The following MARK2 variants were observed in gnomAD, a reference collection of about 807,000 sequenced individuals.
MARK2 encodes the protein microtubule affinity regulating kinase 2.
Under a neutral mutation model 89.8 loss-of-function variants are expected in MARK2, and 16 were observed. The ratio of observed to expected loss-of-function variants is 0.18; its 90% CI spans 0.12 to 0.27. The LOEUF (loss-of-function observed/expected upper bound fraction) is 0.27, where lower values mean the gene tolerates loss of function less well. MARK2 is among the 10% of genes least tolerant of loss of function. The pLI is 1.00. For missense variants in MARK2, 621 were observed against 1,049.9 expected, an observed-to-expected ratio of 0.59 and a Z score of 5.65; for synonymous variants, 382 against 399.5, an observed-to-expected ratio of 0.96 and a Z score of 0.52.
rs1204924159 is a variant in MARK2, at chr11:63,909,398, TG to T, written c.*167del. 16 of 704,944 alleles carry T rather than the reference TG, an allele frequency of 2.3e-5. No homozygotes were observed. Among genetic ancestry groups the T allele is most frequent in the Non-Finnish European group, 3.5e-5 (16 of 456,948 alleles). 43.7% of individuals were successfully genotyped at this position (704,944 alleles called of 1,614,324 possible). ...TTCTCAGTTTTCTCTTACATGTTTG[TG>T]GGGGGTGGGAGATTGTTCTCCAGCA... On this transcript the variant is annotated 3_prime_UTR_variant, in exon 19 of 19. Transcript: ENST00000402010.
intron 1 of MARK2, among the ~76,000 whole-genome samples, chr11:63,845,168 A>G (rs111557017): frequency 0.024 from 3,582 of 152,236 alleles, 155 homozygotes; most frequent in African/African-American, 0.082. Flanking sequence ...AGGCTTTCCT[A>G]CAGTAACCAG....
Position 63,903,258 on chromosome 11 carries a change from C to T in MARK2, c.1514+100C>T. 1.1e-6 allele frequency: 1 copy of T among 883,942 alleles called. No homozygotes were observed. The highest frequency in any genetic ancestry group is 1.4e-5 in the South Asian group (1 of 71,850). The allele number at this position is 883,942 out of a possible 1,614,324, so 54.8% of individuals were successfully genotyped here. On this transcript the variant is annotated intron_variant, in intron 14 of 18. Coordinates refer to ENST00000402010, the MANE Select transcript of MARK2 (RefSeq NM_001039469.3). This position sits in a 1 kb window ranked among gnomAD's most constrained non-coding sequence, Gnocchi z 5.1. ...GTCTCCTGTCCCTGCCAGCGCATTG[C>T]TCCCTGCTCCCTGGAGTTCCATCCT...
In MARK2 at chr11:63,904,041, G is replaced by A; in HGVS notation, c.1570G>A (p.Ala524Thr). The part of the protein sequence containing the change: ...STASASAAVS[A>T]ARPRQHQKSM... ...GGCTTCTGCTTCTGCCGCAGTCTCT[G>A]CGGCCCGGCCCCGCCAGCACCAGAA... The change falls in exon 15 of 19, where the codon GCG (alanine) becomes ACG (threonine). Residue 524 changes from alanine (A) to threonine (T), a missense_variant. By Grantham distance (58) the Ala-to-Thr change is moderately conservative. This residue lies in a region of MARK2 where 397 missense variants were observed against 567.8 expected (regional missense o/e 0.70). Coordinates refer to ENST00000402010, the MANE Select transcript of MARK2 (RefSeq NM_001039469.3). This position sits in a 1 kb window ranked among gnomAD's most constrained non-coding sequence, Gnocchi z 6.3. 4 of 1,603,696 alleles carry A rather than the reference G, an allele frequency of 2.5e-6. No individual in the cohort carries two copies. The highest frequency in any genetic ancestry group is 3.4e-6 in the Non-Finnish European group (4 of 1,178,232).
intron 1 of MARK2, among the ~76,000 whole-genome samples, chr11:63,881,734 C>A (rs1190185029): frequency 6.6e-6 from 1 of 152,030 alleles, no homozygotes; most frequent in African/African-American, 2.4e-5. Context: ...TTGCTTGAGC[C>A]TAGGAGTTTG....
chr11:63,853,803 G>A (rs2016692563), intron 1 of MARK2, among the ~76,000 whole-genome samples: 2 of 151,904 alleles, frequency 1.3e-5, no homozygotes, highest in Admixed American at 6.6e-5. Context: ...ACTTGAGAAT[G>A]TCTTGAATGA....
intron 1 of MARK2, among the ~76,000 whole-genome samples, chr11:63,848,741 A>T (rs6591824): frequency 0.094 from 14,082 of 149,866 alleles, 902 homozygotes; most frequent in South Asian, 0.22. Context: ...TTTTTTTTTT[A>T]AAGTAGAGAT....
In MARK2 at chr11:63,839,430, G is replaced by T. The variant is rs565373536; in HGVS notation, c.-77G>T. The T allele has an allele frequency of 3.7e-3, 3,358 of 899,576 alleles. 11 individuals carry two copies. The highest frequency in any genetic ancestry group is 7.1e-3 in the Middle Eastern group (26 of 3,656). 55.7% of individuals were successfully genotyped at this position (899,576 alleles called of 1,614,324 possible). Reference sequence around the variant, plus strand: ...GGGTGCTCCTGCTGTGAGAAGCCCCGCCCGGCCGGGCTCCGCGCCTTCCCT... The same window carrying T: ...GGGTGCTCCTGCTGTGAGAAGCCCCTCCCGGCCGGGCTCCGCGCCTTCCCT... On this transcript the variant is annotated 5_prime_UTR_variant, in exon 1 of 19. Coordinates refer to ENST00000402010, the MANE Select transcript of MARK2 (RefSeq NM_001039469.3).
At chr11:63,868,684 C>T (rs1938269739) in intron 1 of MARK2, 4 of 442,342 alleles carry the variant, frequency 9.0e-6, no homozygotes, top group South Asian at 6.3e-5. Flanking sequence ...CTGTCCTTGC[C>T]CCTGACACCA....
chr11:63,905,389 AC>A (rs1357041384), intron 16 of MARK2, among the ~76,000 whole-genome samples: 1 of 152,190 alleles, frequency 6.6e-6, no homozygotes, highest in Non-Finnish European at 1.5e-5. Flanking sequence ...ATATTTGGTG[AC>A]GCAGCTGCAA....
intron 1 of MARK2, among the ~76,000 whole-genome samples, chr11:63,845,906 A>G (rs1358834334): frequency 6.6e-6 from 1 of 151,976 alleles, no homozygotes; most frequent in African/African-American, 2.4e-5. Flanking sequence ...TATTTTTAGT[A>G]GAGATAGGGT....
chr11:63,898,286 C>T lies in MARK2; in HGVS notation c.337+6C>T, dbSNP rs901196622. On this transcript the variant is annotated splice_donor_region_variant and intron_variant, in intron 4 of 18. Transcript: ENST00000402010. ...TTTGAATCATCCCAACATAGGTGAG[C>T]ACAAGTTGTTATTTCTTTCTTCTTC... 1.9e-6 allele frequency: 3 copies of T among 1,612,322 alleles called. No individual in the cohort carries two copies. The highest frequency in any genetic ancestry group is 1.1e-5 in the South Asian group (1 of 91,016).
In MARK2 at chr11:63,889,073, G is replaced by C. The variant is rs1939611598; in HGVS notation, c.55-6086G>C. ...CTAAGGGGCGCCCTGCCTGAGTCCA[G>C]CATAGTAATATTCATGGGAAGGGTG... On this transcript the variant is annotated intron_variant, in intron 1 of 18. Coordinates refer to ENST00000402010, the MANE Select transcript of MARK2 (RefSeq NM_001039469.3). 9.2e-6 allele frequency: 7 copies of C among 761,326 alleles called. No individual in the cohort carries two copies. The South Asian group carries it at 9.9e-5, about 11-fold the overall frequency. 47.2% of individuals were successfully genotyped at this position (761,326 alleles called of 1,614,324 possible).
intron 7 of MARK2, among the ~76,000 whole-genome samples, chr11:63,899,620 T>A (rs751333454): frequency 6.6e-6 from 1 of 152,198 alleles, no homozygotes; most frequent in African/African-American, 2.4e-5. Context: ...TGCTGAAGCT[T>A]TGCACAGCTC....
Position 63,909,336 on chromosome 11 carries a change from G to T in MARK2, c.*99G>T. Reference sequence around the variant, plus strand: ...GGCGAGACTGCAGCGATGGATTGGTGTGTCTCCCCTGCTGGCACTTCTCCC... The same window carrying T: ...GGCGAGACTGCAGCGATGGATTGGTTTGTCTCCCCTGCTGGCACTTCTCCC... On this transcript the variant is annotated 3_prime_UTR_variant, in exon 19 of 19. Transcript: ENST00000402010. 1 of 1,274,022 alleles carries T rather than the reference G, an allele frequency of 7.8e-7. No homozygotes were observed. Among genetic ancestry groups the T allele is most frequent in the Non-Finnish European group, 1.1e-6 (1 of 949,924 alleles). The allele number at this position is 1,274,022 out of a possible 1,614,324, so 78.9% of individuals were successfully genotyped here. A position where few individuals can be genotyped will look rare whatever the true frequency, so the allele number is the denominator to read the frequency against.
chr11:63,880,355 G>T (rs1263595817), intron 1 of MARK2: 1 of 152,152 alleles, frequency 6.6e-6, no homozygotes, highest in African/African-American at 2.4e-5. Context: ...GGAGGCAGGT[G>T]TGTATGGGTG....
intron 1 of MARK2, among the ~76,000 whole-genome samples, chr11:63,841,255 C>T (rs536207017): frequency 6.6e-6 from 1 of 152,282 alleles, no homozygotes; most frequent in East Asian, 1.9e-4. Context: ...TTTTGTTACC[C>T]CCTGGCCCTC....
At chr11:63,908,446 G>T (rs532735643) in intron 18 of MARK2, 142 bp downstream of exon 18, 1 of 679,668 alleles carries the variant, frequency 1.5e-6, no homozygotes, top group Non-Finnish European at 2.5e-6. Context: ...CCTTTCCTCA[G>T]AGAGTTTCCC....
At chr11:63,895,535 C>A in intron 2 of MARK2, 45 bp from the exon 3 acceptor site, 3 of 1,579,760 alleles carry the variant, frequency 1.9e-6, no homozygotes, top group Non-Finnish European at 2.6e-6. Flanking sequence ...TCCTGGGTTT[C>A]GCTGGTCAGA....
intron 1 of MARK2, chr11:63,850,014 C>T (rs1425071804): frequency 1.3e-5 from 2 of 149,846 alleles, no homozygotes; most frequent in South Asian, 4.4e-4. Context: ...TTTATCTGAG[C>T]ACCACACAAC....
Sources: gnomAD v4.1 joint callset for allele counts (sites outside exome capture counted in the v4.1 genomes callset) on GRCh38, gnomAD v4.1.1 for gene constraint, gnomAD v4.1.1 regional missense constraint, Gnocchi (gnomAD v3.1) non-coding constraint, MANE v1.5 for transcripts, NCBI Gene and HGNC (gene_info 2026-07-23, HGNC 2026-07-21) for gene names.